SLC45A2: variants seen among roughly 807,000 people sequenced by gnomAD.
SLC45A2 encodes the protein membrane-associated transporter protein.
A neutral mutation model predicts 45.5 loss-of-function variants in SLC45A2; 36 were observed. The ratio of observed to expected loss-of-function variants is 0.79; its 90% CI spans 0.61 to 1.04. SLC45A2 has a LOEUF of 1.04. Ranked by LOEUF, SLC45A2 falls within the 50% of genes least tolerant of loss-of-function variation. The pLI, the probability that SLC45A2 is intolerant of heterozygous loss-of-function variation, is 0.00. For synonymous variants in SLC45A2, 306 were observed against 269.3 expected, an observed-to-expected ratio of 1.14 and a Z score of -1.33; for missense variants, 719 against 671.0, an observed-to-expected ratio of 1.07 and a Z score of -0.79.
At position 33,984,377 on chromosome 5, in the gene SLC45A2, C is replaced by G. The variant is rs371713094; in HGVS notation, c.207G>C (p.Leu69=). 6.2e-7 allele frequency: 1 copy of G among 1,613,710 alleles called. No individual in the cohort carries two copies. The highest frequency in any genetic ancestry group is 1.3e-5 in the African/African-American group (1 of 74,952). The part of the protein sequence containing the change: ...VLLSVGLPSS[L]YSIVWFLSPI... Reference sequence around the variant, plus strand: ...GGCTGAGGAACCACACAATGCTGTACAGGCTGCTGGGCAGACCTACGCTGA... The same window carrying G: ...GGCTGAGGAACCACACAATGCTGTAGAGGCTGCTGGGCAGACCTACGCTGA... The change falls in exon 1 of 7, where the codon CTG becomes CTC. Residue 69 remains leucine, a synonymous_variant. Transcript: ENST00000296589.
At chr5:33,952,419 G>C (rs1579537275) in intron 4 of SLC45A2, among the ~76,000 whole-genome samples, 1 of 151,388 alleles carries the variant, frequency 6.6e-6, no homozygotes, top group Admixed American at 6.6e-5. Context: ...AGATGTGAGA[G>C]GTATTACAAA....
Position 33,967,783 on chromosome 5 carries a change from GACACACACACACACACACAC to G in SLC45A2, c.563-3787_563-3768del, listed in dbSNP as rs10529094. Among the ~76,000 whole-genome samples the G allele has an allele frequency of 1.7e-3, 255 of 146,444 alleles. 1 individual carries two copies. Among genetic ancestry groups the G allele is most frequent in the Non-Finnish European group, 2.1e-3 (143 of 66,588 alleles). On this transcript the variant is annotated intron_variant, in intron 2 of 6. Transcript: ENST00000296589. ...TAGTCTAGCATTTTTTATTTTGCTA[GACACACACACACACACACAC>G]ACACACACACACACACACACACACA...
chr5:33,965,394 T>C (rs1260319607), intron 2 of SLC45A2, among the ~76,000 whole-genome samples: 1 of 152,198 alleles, frequency 6.6e-6, no homozygotes, highest in Non-Finnish European at 1.5e-5. Context: ...TTAGTTGCAA[T>C]TTAACATAGA....
In SLC45A2 at chr5:33,960,065, TGTG is replaced by T. The variant is rs1041373496; in HGVS notation, c.888+3623_888+3625del. Among the ~76,000 whole-genome samples, 7 of 152,260 alleles carry T rather than the reference TGTG, an allele frequency of 4.6e-5. 1 individual carries two copies. Among genetic ancestry groups the T allele is most frequent in the African/African-American group, 1.7e-4 (7 of 41,542 alleles). On this transcript the variant is annotated intron_variant, in intron 3 of 6. Transcript: ENST00000296589. ...TTGTAAACCGCTTAGCTAAATGTAA[TGTG>T]GTATCCTAGATTGGATCAGAAAAAG...
intron 5 of SLC45A2, among the ~76,000 whole-genome samples, chr5:33,948,229 G>A (rs139778223): frequency 6.6e-6 from 1 of 152,306 alleles, no homozygotes; most frequent in East Asian, 1.9e-4. Context: ...TCCTCTTCTA[G>A]CAGGTCAACT....
chr5:33,963,509 A>C, intron 3 of SLC45A2, 182 bp downstream of exon 3: 1 of 674,530 alleles, frequency 1.5e-6, no homozygotes, highest in Non-Finnish European at 2.5e-6. Flanking sequence ...AAATGCAGAC[A>C]TTTTTCTTTG....
chr5:33,964,469 A>G (rs921052136), intron 2 of SLC45A2, among the ~76,000 whole-genome samples: 7 of 152,200 alleles, frequency 4.6e-5, no homozygotes, highest in Admixed American at 3.9e-4. Flanking sequence ...ATAAAATTAA[A>G]TGACTTGCAG....
intron 2 of SLC45A2, 130 bp from the exon 3 acceptor site, chr5:33,964,146 G>A (rs1394588693): frequency 6.7e-6 from 6 of 901,820 alleles, no homozygotes; most frequent in Non-Finnish European, 1.1e-5. Flanking sequence ...AATTGGAAAA[G>A]CAATACAGCA....
Position 33,984,628 on chromosome 5 carries a change from G to A in SLC45A2, c.-45C>T, listed in dbSNP as rs1753198883. 2 of 1,601,830 alleles carry A rather than the reference G, an allele frequency of 1.2e-6. No homozygotes were observed. The highest frequency in any genetic ancestry group is 1.1e-5 in the South Asian group (1 of 90,964). On this transcript the variant is annotated 5_prime_UTR_variant, in exon 1 of 7. The change creates a new upstream start codon in the 5' untranslated region. Transcript: ENST00000296589. ...TTCCTGCGAGCCCACCACCTCCTGC[G>A]TGGTCCTAGGGTCTGTGTTTCAAAC...
intron 2 of SLC45A2, among the ~76,000 whole-genome samples, chr5:33,979,384 T>C (rs764376204): frequency 1.2e-4 from 19 of 152,204 alleles, no homozygotes; most frequent in Non-Finnish European, 2.1e-4. Context: ...CCAAGGTTCT[T>C]ATTATACAGA....
chr5:33,960,839 G>T (rs1752434563), intron 3 of SLC45A2, among the ~76,000 whole-genome samples: 1 of 152,188 alleles, frequency 6.6e-6, no homozygotes, highest in Non-Finnish European at 1.5e-5. Context: ...TAACAGTATT[G>T]AAGCAGTGTT....
At chr5:33,982,551 A>AT (rs962171089) in intron 1 of SLC45A2, 139 bp from the exon 2 acceptor site, 48 of 843,990 alleles carry the variant, frequency 5.7e-5, no homozygotes, top group African/African-American at 3.6e-4. Flanking sequence ...ATAGCTTTAC[A>AT]TTTTTTTTCA....
chr5:33,971,114 C>T (rs146263702), intron 2 of SLC45A2: 74 of 527,192 alleles, frequency 1.4e-4, no homozygotes, highest in African/African-American at 1.2e-3. Flanking sequence ...GAGTTGTCGT[C>T]GACAGCTTCA....
chr5:33,967,067 G>C (rs1370956367), intron 2 of SLC45A2, among the ~76,000 whole-genome samples: 1 of 152,174 alleles, frequency 6.6e-6, no homozygotes, highest in Non-Finnish European at 1.5e-5. Context: ...CCAAAACTGA[G>C]CTCCCTGCTG....
At chr5:33,952,692 ATTT>A (rs35585160) in intron 4 of SLC45A2, among the ~76,000 whole-genome samples, 148 of 123,848 alleles carry the variant, frequency 1.2e-3, no homozygotes, top group African/African-American at 4.1e-3. Flanking sequence ...TTTTTTTTTA[ATTT>A]TTTTTTTTTT....
chr5:33,964,508 C>T (rs868428022), intron 2 of SLC45A2, among the ~76,000 whole-genome samples: 4 of 152,280 alleles, frequency 2.6e-5, no homozygotes, highest in African/African-American at 7.2e-5. Flanking sequence ...CCTGGGATGA[C>T]GTAAGCTTGC....
chr5:33,946,502 T>C, intron 6 of SLC45A2: 1 of 985,612 alleles, frequency 1.0e-6, no homozygotes, highest in East Asian at 1.1e-4. Context: ...GAAGAGGTGG[T>C]AATTTTAGAG....
intron 1 of SLC45A2, among the ~76,000 whole-genome samples, chr5:33,983,538 T>C (rs1753142557): frequency 6.6e-6 from 1 of 152,262 alleles, no homozygotes; most frequent in Non-Finnish European, 1.5e-5. Context: ...TCACCGATTC[T>C]GCTAGCTTGA....
intron 4 of SLC45A2, among the ~76,000 whole-genome samples, chr5:33,953,568 A>C (rs1365383928): frequency 1.3e-5 from 2 of 151,224 alleles, no homozygotes; most frequent in African/African-American, 4.9e-5. Flanking sequence ...AGCGCTAAAC[A>C]TGGAAAGGAA....
Sources: gnomAD v4.1 joint callset for allele counts (sites outside exome capture counted in the v4.1 genomes callset) on GRCh38, gnomAD v4.1.1 for gene constraint, MANE v1.5 for transcripts, NCBI Gene and HGNC (gene_info 2026-07-23, HGNC 2026-07-21) for gene names.